The following ALK variants were observed in gnomAD, a reference collection of about 807,000 sequenced individuals.
ALK encodes the protein ALK receptor tyrosine kinase.
In ALK, 74 loss-of-function variants were observed where a neutral mutation model predicts 163.1. The observed-to-expected ratio is 0.45, with a 90% CI of 0.38 to 0.55. The LOEUF (loss-of-function observed/expected upper bound fraction) is 0.55. Ranked by LOEUF, ALK falls within the 20% of genes least tolerant of loss-of-function variation. ALK has a pLI of 0.00. For missense variants in ALK, 2,063 were observed against 2,105.3 expected (o/e 0.98, Z 0.39); for synonymous variants, 960 against 843.2 (o/e 1.14, Z -2.40).
At chr2:29,778,552 C>A (rs569203892) in intron 1 of ALK, among the ~76,000 whole-genome samples, 177 of 152,174 alleles carry the variant, frequency 1.2e-3, no homozygotes, top group Middle Eastern at 3.4e-3. Flanking sequence ...CATACATACA[C>A]GTGCATGCAT....
intron 5 of ALK, among the ~76,000 whole-genome samples, chr2:29,346,412 G>A (rs1257022648): frequency 6.6e-6 from 1 of 152,198 alleles, no homozygotes; most frequent in Non-Finnish European, 1.5e-5. Flanking sequence ...ATCAGGGCTG[G>A]TCCAAGTGTG....
chr2:29,320,324 G>T (rs1358849707), intron 7 of ALK, among the ~76,000 whole-genome samples: 1 of 152,114 alleles, frequency 6.6e-6, no homozygotes, highest in African/African-American at 2.4e-5. Context: ...CCGGGTATAG[G>T]GTGAGGCTCC....
chr2:29,509,719 T>G (rs1339269801), intron 4 of ALK, among the ~76,000 whole-genome samples: 3 of 152,206 alleles, frequency 2.0e-5, no homozygotes, highest in African/African-American at 7.2e-5. Flanking sequence ...TTATTTCTAA[T>G]GGAATGCCTT....
At chr2:29,835,176 A>T (rs148998721) in intron 1 of ALK, among the ~76,000 whole-genome samples, 18 of 152,324 alleles carry the variant, frequency 1.2e-4, no homozygotes, top group African/African-American at 4.3e-4. Context: ...AGTTGAAGGC[A>T]AATTTTGATG....
At chr2:29,217,183 G>A (rs985359739) in intron 23 of ALK, among the ~76,000 whole-genome samples, 1 of 150,524 alleles carries the variant, frequency 6.6e-6, no homozygotes, top group Admixed American at 6.7e-5. Context: ...TGTGTGTTGT[G>A]TACATGTGTG....
chr2:29,578,441 T>C (rs935491576), intron 3 of ALK, among the ~76,000 whole-genome samples: 2 of 152,232 alleles, frequency 1.3e-5, no homozygotes, highest in African/African-American at 4.8e-5. Context: ...TCTGGACACC[T>C]GACTCCAGGC....
chr2:29,717,521 G>C, intron 2 of ALK, 57 bp downstream of exon 2: 1 of 1,602,878 alleles, frequency 6.2e-7, no homozygotes, highest in Non-Finnish European at 8.5e-7. Flanking sequence ...AACTCACAGA[G>C]TCCTTATTAT....
At chr2:29,545,983 A>G (rs1673541416) in intron 3 of ALK, among the ~76,000 whole-genome samples, 1 of 152,216 alleles carries the variant, frequency 6.6e-6, no homozygotes, top group Non-Finnish European at 1.5e-5. Context: ...AGTTCCCTAG[A>G]AATAATATAT....
rs561687310 is a variant in ALK, at chr2:29,484,366, A to C, written c.1154+47549T>G. On this transcript the variant is annotated intron_variant, in intron 4 of 28. Transcript: ENST00000389048. ...GTGTGTGTATATATCTATATATACA[A>C]GCACACACACATATATAAACACACT... Among the ~76,000 whole-genome samples the C allele has an allele frequency of 2.6e-5, 4 of 152,252 alleles. No individual in the cohort carries two copies. In the South Asian group the frequency reaches 6.2e-4, roughly 24 times the overall value.
intron 1 of ALK, among the ~76,000 whole-genome samples, chr2:29,774,203 T>TC (rs1245925275): frequency 6.6e-6 from 1 of 152,074 alleles, no homozygotes; most frequent in Non-Finnish European, 1.5e-5. Context: ...GCTCATTCTC[T>TC]CCCCCCTGTT....
chr2:29,497,418 T>C (rs961814170), intron 4 of ALK, among the ~76,000 whole-genome samples: 1 of 152,132 alleles, frequency 6.6e-6, no homozygotes, highest in Non-Finnish European at 1.5e-5. Flanking sequence ...TCAGCCTCAA[T>C]TCATTGCTCA....
At chr2:29,659,312 T>C (rs926582932) in intron 3 of ALK, among the ~76,000 whole-genome samples, 2 of 152,146 alleles carry the variant, frequency 1.3e-5, no homozygotes, top group African/African-American at 4.8e-5. Context: ...TAGGATCCCA[T>C]GGTAAATCAG....
intron 3 of ALK, among the ~76,000 whole-genome samples, chr2:29,644,955 TC>T (rs1330250174): frequency 1.3e-5 from 2 of 152,130 alleles, no homozygotes; most frequent in Non-Finnish European, 2.9e-5. Context: ...GTGCAAGGAC[TC>T]CAGGCCAAGC....
chr2:29,495,364 T>C (rs1033361122), intron 4 of ALK, among the ~76,000 whole-genome samples: 1 of 152,208 alleles, frequency 6.6e-6, no homozygotes, highest in East Asian at 1.9e-4. Flanking sequence ...TCCTTTCCCG[T>C]GGCACTGCAC....
At chr2:29,558,226 C>T (rs1001610636) in intron 3 of ALK, among the ~76,000 whole-genome samples, 4 of 152,200 alleles carry the variant, frequency 2.6e-5, no homozygotes, top group Non-Finnish European at 5.9e-5. Context: ...AGATTACTCA[C>T]AGAGACAGAA....
intron 11 of ALK, among the ~76,000 whole-genome samples, chr2:29,252,492 A>G (rs1171500081): frequency 6.6e-6 from 1 of 152,202 alleles, no homozygotes; most frequent in East Asian, 1.9e-4. Context: ...CGTAAATGTG[A>G]AAGGTTAACT....
At chr2:29,547,206 G>C (rs72780228) in intron 3 of ALK, among the ~76,000 whole-genome samples, 13,518 of 152,286 alleles carry the variant, frequency 0.089, 820 homozygotes, top group Non-Finnish European at 0.14. Flanking sequence ...TCTACACACA[G>C]AAGTCAGAAC....
intron 4 of ALK, among the ~76,000 whole-genome samples, chr2:29,442,448 G>A (rs1262724086): frequency 6.6e-6 from 1 of 152,218 alleles, no homozygotes; most frequent in East Asian, 1.9e-4. Context: ...GGCAGTGTGG[G>A]ATGGAGGGAA....
chr2:29,740,274 A>G (rs1680016338), intron 1 of ALK, among the ~76,000 whole-genome samples: 1 of 152,110 alleles, frequency 6.6e-6, no homozygotes, highest in South Asian at 2.1e-4. Flanking sequence ...CTTTCCATAT[A>G]GTAGGAGAGC....
Sources: allele counts gnomAD v4.1 joint callset (sites outside exome capture counted in the v4.1 genomes callset), GRCh38; gene constraint gnomAD v4.1.1; transcripts MANE v1.5; gene names NCBI Gene and HGNC (gene_info 2026-07-23, HGNC 2026-07-21).